Variants in STXBP4 observed in about 807,000 individuals in gnomAD.
STXBP4 encodes syntaxin-binding protein 4.
In STXBP4, 55 loss-of-function variants were observed where a neutral mutation model predicts 76.1. That is an observed-to-expected ratio of 0.72 (90% CI 0.58 to 0.91). The LOEUF is 0.91. Ranked by LOEUF, STXBP4 falls within the 40% of genes least tolerant of loss-of-function variation. STXBP4 has a pLI of 0.00. For missense variants in STXBP4, 618 were observed against 636.9 expected, an observed-to-expected ratio of 0.97 and a Z score of 0.32; for synonymous variants, 201 against 220.2, an observed-to-expected ratio of 0.91 and a Z score of 0.77.
downstream of STXBP4, among the ~76,000 whole-genome samples, chr17:55,177,989 G>A (rs78300089): frequency 0.02 from 3,101 of 152,232 alleles, 80 homozygotes; most frequent in East Asian, 0.15. Context: ...AAATGTGTGC[G>A]TCCTCCCTCT....
intron 16 of STXBP4, among the ~76,000 whole-genome samples, chr17:55,132,742 AT>A (rs2145126808): frequency 6.7e-6 from 1 of 150,114 alleles, no homozygotes; most frequent in South Asian, 2.1e-4. Context: ...GTTGAGGGGG[AT>A]AATGAGTGTC....
Position 55,083,087 on chromosome 17 carries a change from G to A in STXBP4, c.1489+1904G>A, listed in dbSNP as rs117304758. On this transcript the variant is annotated intron_variant, in intron 16 of 17. Coordinates refer to ENST00000376352, the MANE Select transcript of STXBP4 (RefSeq NM_178509.6). ...CCATCACTCCCACCCCTAGGTTCAG[G>A]TGTCTCAGCCTCTCAGGTAGCTGAG... Among the ~76,000 whole-genome samples, 480 of 151,780 alleles carry A rather than the reference G, an allele frequency of 3.2e-3. 12 individuals carry two copies. The highest frequency in any genetic ancestry group is 0.025 in the East Asian group (130 of 5,136).
Position 55,007,604 on chromosome 17 carries a change from C to G in STXBP4, c.666+7C>G, listed in dbSNP as rs2078033552. On this transcript the variant is annotated splice_region_variant and intron_variant, in intron 8 of 17. Transcript: ENST00000376352. The stretch of plus-strand genomic sequence containing the variant: ...GGCAGAGAAACTGGAAATGGTAAAA[C>G]CTTTAAATTTTCATTTTTCTTCCAT... The G allele has an allele frequency of 6.3e-7, 1 of 1,591,814 alleles. No homozygotes were observed. The highest frequency in any genetic ancestry group is 1.4e-5 in the African/African-American group (1 of 73,418).
At position 55,048,940 on chromosome 17, in the gene STXBP4, T is replaced by C. The variant is rs2078825244; in HGVS notation, c.1011+1786T>C. On this transcript the variant is annotated intron_variant, in intron 12 of 17. Coordinates refer to ENST00000376352, the MANE Select transcript of STXBP4 (RefSeq NM_178509.6). Reference sequence around the variant, plus strand: ...CTGGGGAAATCTGACCTGGAAAGATTACTGTACAATATATTCTAGTAAAAT... The same window carrying C: ...CTGGGGAAATCTGACCTGGAAAGATCACTGTACAATATATTCTAGTAAAAT... Among the ~76,000 whole-genome samples, 3 of 152,090 alleles carry C rather than the reference T, an allele frequency of 2.0e-5. No homozygotes were observed. The South Asian group carries it at 6.2e-4, about 32-fold the overall frequency.
At chr17:55,091,789 C>T (rs2079417918) in intron 16 of STXBP4, among the ~76,000 whole-genome samples, 1 of 152,004 alleles carries the variant, frequency 6.6e-6, no homozygotes, top group Non-Finnish European at 1.5e-5. Flanking sequence ...AATAGTGACA[C>T]CTTTACTTTC....
chr17:55,023,916 CAAAAAAAAAAAAAA>C (rs61454264), intron 8 of STXBP4, among the ~76,000 whole-genome samples: 3 of 62,240 alleles, frequency 4.8e-5, no homozygotes, highest in East Asian at 4.8e-4. Flanking sequence ...GGCCCTTTTC[CAAAAAAAAAAAAAA>C]AAAAAAAAAA....
At chr17:55,113,450 C>T (rs1416504175) in intron 16 of STXBP4, among the ~76,000 whole-genome samples, 5 of 152,024 alleles carry the variant, frequency 3.3e-5, no homozygotes, top group Non-Finnish European at 7.4e-5. Flanking sequence ...TTAAAAGTTA[C>T]TTGATTTGGA....
chr17:55,145,923 C>G (rs2080148010), intron 17 of STXBP4, among the ~76,000 whole-genome samples: 1 of 152,116 alleles, frequency 6.6e-6, no homozygotes, highest in Admixed American at 6.5e-5. Context: ...AATTTAATAA[C>G]AAACCATCCA....
At chr17:54,976,328 C>T (rs1327090689) in intron 1 of STXBP4, among the ~76,000 whole-genome samples, 1 of 152,174 alleles carries the variant, frequency 6.6e-6, no homozygotes. Context: ...GAAATAGGAC[C>T]AATTGTCCCA....
intron 17 of STXBP4, among the ~76,000 whole-genome samples, chr17:55,147,231 G>A (rs531792125): frequency 3.6e-4 from 55 of 152,280 alleles, no homozygotes; most frequent in Non-Finnish European, 6.5e-4. Flanking sequence ...TGGACCAGGG[G>A]GTAGGGGGAC....
the STXBP4 span, among the ~76,000 whole-genome samples, chr17:55,197,400 T>TG: frequency 6.6e-6 from 1 of 152,268 alleles, no homozygotes; most frequent in Non-Finnish European, 1.5e-5. Flanking sequence ...ACCAAGCCTA[T>TG]GGCTTTCACT....
the STXBP4 span, among the ~76,000 whole-genome samples, chr17:55,209,088 T>A: frequency 7.3e-4 from 111 of 151,898 alleles, no homozygotes; most frequent in Admixed American, 2.4e-3. Flanking sequence ...TCTCAAAAAA[T>A]TTTTTTTAAA....
chr17:55,054,213 A>G (rs2078895954), intron 12 of STXBP4, among the ~76,000 whole-genome samples: 1 of 152,162 alleles, frequency 6.6e-6, no homozygotes, highest in Non-Finnish European at 1.5e-5. Flanking sequence ...TTGGCCAAAC[A>G]CAGTGGCTCA....
chr17:55,112,621 A>G (rs551570190), intron 16 of STXBP4, among the ~76,000 whole-genome samples: 12 of 152,288 alleles, frequency 7.9e-5, no homozygotes, highest in African/African-American at 2.6e-4. Context: ...GGGAAGTTCC[A>G]TATTAGACAT....
rs548623460 is a variant in STXBP4, at chr17:55,099,157, A to G, written c.1489+17974A>G. 8.5e-5 allele frequency among the ~76,000 whole-genome samples: 13 copies of G among 152,284 alleles called. No homozygotes were observed. In the South Asian group the frequency reaches 2.7e-3, roughly 32 times the overall value. Reference sequence around the variant, plus strand: ...TGTGAGGAAACCAGCATACTCATACACTGTTAATAGTTGTTTACTCGATTC... The same window carrying G: ...TGTGAGGAAACCAGCATACTCATACGCTGTTAATAGTTGTTTACTCGATTC... On this transcript the variant is annotated intron_variant, in intron 16 of 17. Coordinates refer to ENST00000376352, the MANE Select transcript of STXBP4 (RefSeq NM_178509.6).
At chr17:55,097,635 C>T (rs2079508450) in intron 16 of STXBP4, among the ~76,000 whole-genome samples, 1 of 151,286 alleles carries the variant, frequency 6.6e-6, no homozygotes, top group Admixed American at 6.6e-5. Flanking sequence ...TGCACTCCAG[C>T]CTGGGCAACA....
At chr17:55,183,649 C>T in the STXBP4 span, among the ~76,000 whole-genome samples, 1 of 152,000 alleles carries the variant, frequency 6.6e-6, no homozygotes, top group Non-Finnish European at 1.5e-5. Context: ...GTCATTTCAA[C>T]ATGGAGATAT....
intron 16 of STXBP4, among the ~76,000 whole-genome samples, chr17:55,100,602 C>T (rs565074629): frequency 2.0e-5 from 3 of 152,278 alleles, no homozygotes; most frequent in East Asian, 1.9e-4. Context: ...AGAAGAACTA[C>T]ATTTAAAGCA....
At chr17:55,064,009 C>G (rs2079021983) in intron 12 of STXBP4, among the ~76,000 whole-genome samples, 2 of 152,132 alleles carry the variant, frequency 1.3e-5, no homozygotes, top group African/African-American at 4.8e-5. Flanking sequence ...CTTATCTTGA[C>G]AGTTTACTAT....
Sources: allele counts gnomAD v4.1 joint callset (sites outside exome capture counted in the v4.1 genomes callset), GRCh38; gene constraint gnomAD v4.1.1; transcripts MANE v1.5; gene names NCBI Gene and HGNC (gene_info 2026-07-23, HGNC 2026-07-21).